BLTP3B: variants seen among roughly 807,000 people sequenced by gnomAD.
The protein encoded by BLTP3B is UHRF1 (ICBP90) binding protein 1-like.
the BLTP3B span, chr12:100,108,467 A>T: frequency 6.2e-7 from 1 of 1,613,732 alleles, no homozygotes; most frequent in Non-Finnish European, 8.5e-7. Context: ...GTACTTCTTC[A>T]TCCAACTCCA....
At chr12:100,059,000 C>T in the BLTP3B span, 108 of 1,613,984 alleles carry the variant, frequency 6.7e-5, no homozygotes, top group Admixed American at 9.7e-4. Flanking sequence ...ATCGGCCAGC[C>T]AGATCACTAG....
the BLTP3B span, among the ~76,000 whole-genome samples, chr12:100,133,583 A>G: frequency 3.9e-5 from 6 of 152,232 alleles, no homozygotes; most frequent in Non-Finnish European, 5.9e-5. Flanking sequence ...GTACTGGATC[A>G]GTGACTTTAC....
At chr12:100,111,332 T>C in the BLTP3B span, among the ~76,000 whole-genome samples, 2 of 149,430 alleles carry the variant, frequency 1.3e-5, no homozygotes, top group Admixed American at 1.3e-4. Flanking sequence ...CTCGCTCTGT[T>C]GTCCAGGGTG....
chr12:100,047,813 C>T, the BLTP3B span: 1 of 1,174,622 alleles, frequency 8.5e-7, no homozygotes, highest in Non-Finnish European at 1.2e-6. Flanking sequence ...CATCATTTAC[C>T]AAAAAAGACA....
chr12:100,116,283 C>T, the BLTP3B span, among the ~76,000 whole-genome samples: 1 of 151,294 alleles, frequency 6.6e-6, no homozygotes, highest in East Asian at 1.9e-4. Context: ...AGTGAGACCT[C>T]ATCTGTACAA....
the BLTP3B span, among the ~76,000 whole-genome samples, chr12:100,126,078 C>T: frequency 6.6e-6 from 1 of 152,034 alleles, no homozygotes; most frequent in African/African-American, 2.4e-5. Context: ...ACAGCCTGGG[C>T]AAAAGAGTAA....
At chr12:100,041,751 A>G in the BLTP3B span, among the ~76,000 whole-genome samples, 2 of 152,090 alleles carry the variant, frequency 1.3e-5, no homozygotes, top group Admixed American at 1.3e-4. Context: ...TGTCACTTCT[A>G]TTCAACATTG....
chr12:100,047,620 T>G, the BLTP3B span: 1 of 1,610,720 alleles, frequency 6.2e-7, no homozygotes, highest in Non-Finnish European at 8.5e-7. Flanking sequence ...GATACTGTAC[T>G]ACTCCGGGGA....
At chr12:100,104,657 C>T in the BLTP3B span, among the ~76,000 whole-genome samples, 1 of 151,312 alleles carries the variant, frequency 6.6e-6, no homozygotes, top group African/African-American at 2.4e-5. Context: ...AAAGTTCGGC[C>T]ATTAATATAA....
the BLTP3B span, among the ~76,000 whole-genome samples, chr12:100,085,531 AT>A: frequency 3.3e-5 from 5 of 152,310 alleles, no homozygotes; most frequent in Non-Finnish European, 4.4e-5. Context: ...TGAAAAAAAA[AT>A]CATACAACTT....
chr12:100,065,776 T>C, the BLTP3B span, among the ~76,000 whole-genome samples: 1 of 152,142 alleles, frequency 6.6e-6, no homozygotes, highest in Non-Finnish European at 1.5e-5. Flanking sequence ...TGCCTTGTGA[T>C]CTTTGCTTTA....
the BLTP3B span, among the ~76,000 whole-genome samples, chr12:100,076,388 C>CTTTTTTTTTTTTTTTTTTTTTATTT: frequency 9.1e-6 from 1 of 110,216 alleles, no homozygotes. Context: ...CCTCAGCAAT[C>CTTTTTTTTTTTTTTTTTTTTTATTT]TTTTTTTTTT....
At chr12:100,051,124 G>C in the BLTP3B span, 1 of 1,614,022 alleles carries the variant, frequency 6.2e-7, no homozygotes, top group South Asian at 1.1e-5. Context: ...TTGTACTGAT[G>C]GCATCTGGAG....
the BLTP3B span, among the ~76,000 whole-genome samples, chr12:100,130,504 A>T: frequency 1.3e-5 from 2 of 152,256 alleles, no homozygotes; most frequent in Non-Finnish European, 2.9e-5. Context: ...CAAAAGAGAT[A>T]ATCAAAATCA....
chr12:100,059,198 A>G, the BLTP3B span: 1 of 1,613,990 alleles, frequency 6.2e-7, no homozygotes, highest in Non-Finnish European at 8.5e-7. Flanking sequence ...ACACAGCCCA[A>G]ACATCCGTGG....
chr12:100,042,007 C>T, the BLTP3B span, among the ~76,000 whole-genome samples: 3 of 151,990 alleles, frequency 2.0e-5, no homozygotes, highest in South Asian at 2.1e-4. Flanking sequence ...GAAAACAATT[C>T]GATTTAAAAT....
chr12:100,086,240 A>C, the BLTP3B span: 3 of 1,307,576 alleles, frequency 2.3e-6, no homozygotes, highest in Non-Finnish European at 3.1e-6. Context: ...TTTGAAAACA[A>C]CATTTATATC....
the BLTP3B span, chr12:100,050,391 A>G: frequency 1.5e-6 from 2 of 1,333,328 alleles, no homozygotes; most frequent in Non-Finnish European, 2.0e-6. Flanking sequence ...AATATAGGAA[A>G]CTACCATTAC....
the BLTP3B span, among the ~76,000 whole-genome samples, chr12:100,081,011 T>C: frequency 3.9e-5 from 6 of 152,182 alleles, no homozygotes; most frequent in Admixed American, 6.5e-5. Context: ...TCATGAGATC[T>C]GATGGTTTTA....
Sources: gnomAD v4.1 joint callset for allele counts (sites outside exome capture counted in the v4.1 genomes callset) on GRCh38, gnomAD v4.1.1 for gene constraint, MANE v1.5 for transcripts, NCBI Gene and HGNC (gene_info 2026-07-23, HGNC 2026-07-21) for gene names.